The following AEBP2 variants were observed in gnomAD, a reference collection of about 807,000 sequenced individuals.
The protein encoded by AEBP2 is zinc finger protein AEBP2.
A neutral mutation model predicts 50.8 loss-of-function variants in AEBP2; 10 were observed. That is an observed-to-expected ratio of 0.20 (90% CI 0.12 to 0.33). The LOEUF is 0.33. Among genes scored for constraint, AEBP2 ranks in the 10% least tolerant of loss-of-function variants. The probability of loss-of-function intolerance (pLI) is 1.00; values close to 1 mark genes in which losing one functional copy is unlikely to be tolerated. For missense variants in AEBP2, 570 were observed against 688.0 expected, an observed-to-expected ratio of 0.83 and a Z score of 1.92; for synonymous variants, 296 against 261.3, an observed-to-expected ratio of 1.13 and a Z score of -1.28.
rs570118272 is a variant in AEBP2 at position 19,518,154 on chromosome 12, A to C, written c.*37A>C. 1 of 1,575,080 alleles carries C rather than the reference A, an allele frequency of 6.3e-7. No homozygotes were observed. The highest frequency in any genetic ancestry group is 8.6e-7 in the Non-Finnish European group (1 of 1,160,602). On this transcript the variant is annotated 3_prime_UTR_variant, in exon 8 of 8. Coordinates refer to ENST00000266508, the MANE Select transcript of AEBP2 (RefSeq NM_153207.5). ...ATACATAAAAAGCAAACAAGCGGGG[A>C]CACCTGCAGTCTTAGTCACTGACAA...
intron 4 of AEBP2, 123 bp downstream of exon 4, chr12:19,494,109 CCTGT>C (rs1948934898): frequency 4.6e-6 from 5 of 1,078,350 alleles, no homozygotes; most frequent in South Asian, 3.4e-5. Context: ...AGGTAGGATG[CCTGT>C]CTGTCAGTGA....
At chr12:19,486,797 T>C (rs1167916143) in intron 3 of AEBP2, among the ~76,000 whole-genome samples, 1 of 150,506 alleles carries the variant, frequency 6.6e-6, no homozygotes, top group Non-Finnish European at 1.5e-5. Context: ...ACCAGTCCTT[T>C]CTTTTCTTTT....
intron 1 of AEBP2, among the ~76,000 whole-genome samples, chr12:19,412,793 GGGAGAGTCCGCAGT>G (rs2095740034): frequency 6.6e-6 from 1 of 152,070 alleles, no homozygotes; most frequent in South Asian, 2.1e-4. Flanking sequence ...AAAGAATTCA[GGGAGAGTCCGCAGT>G]GCAAAGTGAA....
upstream of AEBP2, among the ~76,000 whole-genome samples, chr12:19,436,606 G>GA (rs1947864456): frequency 6.7e-6 from 1 of 148,270 alleles, no homozygotes; most frequent in African/African-American, 2.5e-5. Flanking sequence ...TTGGGGGGGG[G>GA]ATAAGGTCTT....
In AEBP2 at chr12:19,480,998, T is replaced by G. The variant is rs192076748; in HGVS notation, c.987+7643T>G. ...TTGTTAATTTTTTTTTAAGTGTCTT[T>G]TCTTTGTCTTTGTCTGATTGGGTTA... On this transcript the variant is annotated intron_variant, in intron 3 of 7. Transcript: ENST00000266508. Among the ~76,000 whole-genome samples the G allele has an allele frequency of 2.0e-5, 3 of 152,228 alleles. No individual in the cohort carries two copies. In the East Asian group the frequency reaches 5.8e-4, roughly 29 times the overall value.
upstream of AEBP2, among the ~76,000 whole-genome samples, chr12:19,434,580 G>C (rs547010385): frequency 6.6e-6 from 1 of 152,318 alleles, no homozygotes; most frequent in African/African-American, 2.4e-5. Flanking sequence ...CTACAAACCG[G>C]GAATGCACAG....
intron 1 of AEBP2, among the ~76,000 whole-genome samples, chr12:19,461,137 C>T (rs1317105012): frequency 1.3e-5 from 2 of 152,122 alleles, no homozygotes; most frequent in African/African-American, 4.8e-5. Context: ...GGGAGGGAAA[C>T]ATACCTCTTT....
chr12:19,479,728 T>G, intron 3 of AEBP2, among the ~76,000 whole-genome samples: 1 of 119,974 alleles, frequency 8.3e-6, no homozygotes, highest in East Asian at 3.0e-4. Context: ...TTTTTTTTTT[T>G]TTTTTTTTTT....
intron 2 of AEBP2, among the ~76,000 whole-genome samples, chr12:19,470,219 G>A (rs146452042): frequency 1.3e-5 from 2 of 150,818 alleles, no homozygotes; most frequent in South Asian, 2.1e-4. Flanking sequence ...GTGCAATGGC[G>A]CAATCTCAGC....
At chr12:19,450,404 G>T (rs1168748047) in intron 1 of AEBP2, among the ~76,000 whole-genome samples, 1 of 151,006 alleles carries the variant, frequency 6.6e-6, no homozygotes, top group African/African-American at 2.4e-5. Flanking sequence ...TTTATTTTTA[G>T]TAAAACTGTC....
intron 2 of AEBP2, among the ~76,000 whole-genome samples, chr12:19,467,927 C>T (rs1203500425): frequency 6.6e-6 from 1 of 151,650 alleles, no homozygotes; most frequent in Non-Finnish European, 1.5e-5. Context: ...GAATATGGTA[C>T]AGTATTATTG....
At chr12:19,490,578 G>T (rs1026246071) in intron 3 of AEBP2, among the ~76,000 whole-genome samples, 4 of 151,810 alleles carry the variant, frequency 2.6e-5, no homozygotes, top group Non-Finnish European at 5.9e-5. Context: ...TCTCACTTCT[G>T]CCCAGGCTGG....
chr12:19,507,509 A>C lies in AEBP2; in HGVS notation c.1300-4889A>C, dbSNP rs551950166. Among the ~76,000 whole-genome samples, 10 of 152,336 alleles carry C rather than the reference A, an allele frequency of 6.6e-5. No homozygotes were observed. The East Asian group carries it at 1.7e-3, about 26-fold the overall frequency. On this transcript the variant is annotated intron_variant, in intron 5 of 7. Transcript: ENST00000266508. ...ATGAAAAGCTTTTGAGCTATGGAAA[A>C]CATCTGAGAGGGCTTAAGAACATTG...
At chr12:19,442,087 C>A (rs1186141756) in intron 1 of AEBP2, among the ~76,000 whole-genome samples, 1 of 152,074 alleles carries the variant, frequency 6.6e-6, no homozygotes, top group Non-Finnish European at 1.5e-5. Flanking sequence ...CCTATTATTT[C>A]CACTGAAGAG....
intron 4 of AEBP2, among the ~76,000 whole-genome samples, chr12:19,496,154 G>C (rs979032765): frequency 1.3e-5 from 2 of 151,790 alleles, no homozygotes; most frequent in African/African-American, 4.8e-5. Context: ...TATGCAATTC[G>C]CTACTCTTTG....
chr12:19,427,179 C>A (rs1000344233), intron 1 of AEBP2, among the ~76,000 whole-genome samples: 3 of 151,962 alleles, frequency 2.0e-5, no homozygotes, highest in African/African-American at 7.2e-5. Context: ...GAGTTTGAAA[C>A]CATCCTTGCC....
chr12:19,487,271 G>A (rs61912788), intron 3 of AEBP2, among the ~76,000 whole-genome samples: 10,031 of 152,020 alleles, frequency 0.066, 431 homozygotes, highest in South Asian at 0.2. Flanking sequence ...TGAAAAGGGG[G>A]ATCATTTCAG....
At chr12:19,456,252 G>T in intron 1 of AEBP2, 3 of 1,524,436 alleles carry the variant, frequency 2.0e-6, no homozygotes, top group Non-Finnish European at 2.7e-6. Context: ...TATTCATTTA[G>T]CCTTTTGAGC....
rs566143400 is a variant in AEBP2 at position 19,412,823 on chromosome 12, G to A, written c.-17+8607G>A. Among the ~76,000 whole-genome samples the A allele has an allele frequency of 2.6e-5, 4 of 152,216 alleles. No individual in the cohort carries two copies. The South Asian group carries it at 8.3e-4, about 32-fold the overall frequency. ...AGTCCGCAGTGCAAAGTGAAAGCAA[G>A]TTTATTAAGACAGTAAAGAAATAAA... On this transcript the variant is annotated intron_variant, in intron 1 of 3. Transcript: ENST00000538425.
Sources: allele counts gnomAD v4.1 joint callset (sites outside exome capture counted in the v4.1 genomes callset), GRCh38; gene constraint gnomAD v4.1.1; transcripts MANE v1.5; gene names NCBI Gene and HGNC (gene_info 2026-07-23, HGNC 2026-07-21).